DLC1: variants seen among roughly 807,000 people sequenced by gnomAD.
The protein encoded by DLC1 is rho GTPase-activating protein 7.
DLC1 carries 54 observed loss-of-function variants against 140.3 expected under a neutral mutation model. That is an observed-to-expected ratio of 0.38 (90% CI 0.31 to 0.48). DLC1 has a LOEUF of 0.48. Ranked by LOEUF, DLC1 falls within the 20% of genes least tolerant of loss-of-function variation. The pLI is 0.96. For missense variants in DLC1, 2,536 were observed against 1,907.0 expected (o/e 1.33, Z -6.14); for synonymous variants, 986 against 728.1 (o/e 1.35, Z -5.70).
Position 13,547,568 on chromosome 8 carries a change from G to T in DLC1, c.-125-47372C>A, listed in dbSNP as rs1286164576. Among the ~76,000 whole-genome samples, 10 of 152,038 alleles carry T rather than the reference G, an allele frequency of 6.6e-5. No individual in the cohort carries two copies. In the East Asian group the frequency reaches 1.9e-3, roughly 29 times the overall value. ...AAACAAAAGGTGAGTATATGCTATT[G>T]CTCTCAATGTTATAAAGGTGTATGG... On this transcript the variant is annotated intron_variant, in intron 1 of 1. Transcript: ENST00000631382.
At chr8:13,175,232 C>G (rs1046909857) in intron 5 of DLC1, among the ~76,000 whole-genome samples, 3 of 150,570 alleles carry the variant, frequency 2.0e-5, no homozygotes, top group African/African-American at 7.3e-5. Flanking sequence ...TATTTTTGCA[C>G]CAGTACCATG....
chr8:13,153,115 A>G (rs1823956523), intron 5 of DLC1, among the ~76,000 whole-genome samples: 1 of 152,232 alleles, frequency 6.6e-6, no homozygotes, highest in African/African-American at 2.4e-5. Flanking sequence ...TTCAAGAACG[A>G]AGCCGCGGAC....
chr8:13,131,512 T>C (rs954187852), intron 5 of DLC1, among the ~76,000 whole-genome samples: 2 of 152,086 alleles, frequency 1.3e-5, no homozygotes, highest in Non-Finnish European at 2.9e-5. Flanking sequence ...TGCTCATCCA[T>C]ATTGGGTGTA....
intron 1 of DLC1, among the ~76,000 whole-genome samples, chr8:13,531,946 T>C (rs2117308459): frequency 6.6e-6 from 1 of 152,310 alleles, no homozygotes; most frequent in African/African-American, 2.4e-5. Flanking sequence ...CTTGCTTATG[T>C]CACTCAGCTA....
intron 2 of DLC1, among the ~76,000 whole-genome samples, chr8:13,411,860 AT>A (rs779865299): frequency 6.6e-6 from 1 of 151,990 alleles, no homozygotes; most frequent in East Asian, 1.9e-4. Context: ...CCCTCTTCAC[AT>A]TTTTTTTAGT....
chr8:13,541,590 CCAAG>C (rs1803485558), intron 1 of DLC1, among the ~76,000 whole-genome samples: 2 of 152,112 alleles, frequency 1.3e-5, no homozygotes, highest in Admixed American at 6.5e-5. Context: ...CACTCTGTCG[CCAAG>C]GCTGGTGTGC....
chr8:13,218,386 G>A (rs1828314666), intron 5 of DLC1, among the ~76,000 whole-genome samples: 1 of 152,088 alleles, frequency 6.6e-6, no homozygotes, highest in Admixed American at 6.6e-5. Context: ...AGGATAAGCT[G>A]GACTTCATCA....
intron 9 of DLC1, 37 bp from the exon 10 acceptor site, chr8:13,098,612 C>G (rs1031806357): frequency 1.3e-6 from 2 of 1,577,252 alleles, no homozygotes; most frequent in Non-Finnish European, 1.7e-6. Flanking sequence ...AGTGTGAAGC[C>G]TTTTTATTTG....
At chr8:13,104,496 T>A (rs937816893) in intron 7 of DLC1, among the ~76,000 whole-genome samples, 3 of 152,186 alleles carry the variant, frequency 2.0e-5, no homozygotes, top group African/African-American at 7.2e-5. Context: ...TCCCAGATGA[T>A]CATCACTTAG....
intron 4 of DLC1, among the ~76,000 whole-genome samples, chr8:13,326,366 G>C (rs1187024105): frequency 1.3e-5 from 2 of 152,136 alleles, no homozygotes; most frequent in African/African-American, 2.4e-5. Context: ...AAGAGTTGGG[G>C]ACATGTTATA....
chr8:13,200,962 T>A (rs1428475941), intron 5 of DLC1, among the ~76,000 whole-genome samples: 1 of 152,198 alleles, frequency 6.6e-6, no homozygotes, highest in Non-Finnish European at 1.5e-5. Flanking sequence ...ATTTATAGCC[T>A]CAACTATAAT....
At position 13,085,809 on chromosome 8, in the gene DLC1, G is replaced by A. The variant is rs774493840; in HGVS notation, c.*2C>T. The A allele has an allele frequency of 6.2e-7, 1 of 1,613,970 alleles. No homozygotes were observed. The highest frequency in any genetic ancestry group is 1.1e-5 in the South Asian group (1 of 91,066). Reference sequence around the variant, plus strand: ...GTGGAAGCGGTTGCGTTGCTTCAGTGATCACCTAGATTTGGTGTCTTTGGT... The same window carrying A: ...GTGGAAGCGGTTGCGTTGCTTCAGTAATCACCTAGATTTGGTGTCTTTGGT... On this transcript the variant is annotated 3_prime_UTR_variant, in exon 18 of 18. Coordinates refer to ENST00000276297, the MANE Select transcript of DLC1 (RefSeq NM_182643.3).
chr8:13,115,536 C>T lies in DLC1; in HGVS notation c.1420+50G>A, dbSNP rs186254145. ...GTCATAGATCAGTAATACTCGCGAA[C>T]AAGGGATTATGATTATGCCAACTTT... On this transcript the variant is annotated intron_variant, in intron 6 of 17. Transcript: ENST00000276297. The T allele has an allele frequency of 5.3e-4, 800 of 1,521,192 alleles. 4 individuals carry two copies. The Middle Eastern group carries it at 0.016, about 30-fold the overall frequency. The allele number at this position is 1,521,192 out of a possible 1,614,324, so 94.2% of individuals were successfully genotyped here.
intron 5 of DLC1, among the ~76,000 whole-genome samples, chr8:13,283,596 A>G (rs1449248253): frequency 1.3e-5 from 2 of 152,092 alleles, no homozygotes; most frequent in African/African-American, 2.4e-5. Context: ...GCTCACTGCA[A>G]CTTCTGCTCC....
intron 5 of DLC1, among the ~76,000 whole-genome samples, chr8:13,155,672 T>G (rs1160736909): frequency 1.3e-5 from 2 of 152,158 alleles, no homozygotes; most frequent in African/African-American, 4.8e-5. Flanking sequence ...ATTATGACTC[T>G]GATAAAAATT....
Position 13,320,438 on chromosome 8 carries a change from G to T in DLC1, c.1315-15136C>A, listed in dbSNP as rs1833050856. ...TTGGAATTAACAAAAGAAAGCGTTT[G>T]TAGCATATTTAAAAATAAAAACATG... On this transcript the variant is annotated intron_variant, in intron 4 of 17. Transcript: ENST00000276297. Among the ~76,000 whole-genome samples, 4 of 152,212 alleles carry T rather than the reference G, an allele frequency of 2.6e-5. No homozygotes were observed. In the South Asian group the frequency reaches 8.3e-4, roughly 32 times the overall value.
intron 2 of DLC1, among the ~76,000 whole-genome samples, chr8:13,408,188 C>T (rs1414892277): frequency 6.6e-6 from 1 of 152,036 alleles, no homozygotes; most frequent in Non-Finnish European, 1.5e-5. Flanking sequence ...AGATATATTC[C>T]GTTCAACTCC....
chr8:13,098,610 GC>G, intron 9 of DLC1, 35 bp from the exon 10 acceptor site: 1 of 1,581,492 alleles, frequency 6.3e-7, no homozygotes, highest in Non-Finnish European at 8.6e-7. Flanking sequence ...TGAGTGTGAA[GC>G]CTTTTTATTT....
rs190814991 is a variant in DLC1 at position 13,336,976 on chromosome 8, A to C, written c.1315-31674T>G. 4.1e-3 allele frequency among the ~76,000 whole-genome samples: 619 copies of C among 152,316 alleles called. 6 individuals are homozygous for C. The highest frequency in any genetic ancestry group is 0.014 in the Middle Eastern group (4 of 294). Reference sequence around the variant, plus strand: ...ATAGTTAGCTAAAGCAGATGAAATGAAAAATATAAACCAAGTAAAACAAAA... The same window carrying C: ...ATAGTTAGCTAAAGCAGATGAAATGCAAAATATAAACCAAGTAAAACAAAA... On this transcript the variant is annotated intron_variant, in intron 4 of 17. Coordinates refer to ENST00000276297, the MANE Select transcript of DLC1 (RefSeq NM_182643.3).
Sources: allele counts gnomAD v4.1 joint callset (sites outside exome capture counted in the v4.1 genomes callset), GRCh38; gene constraint gnomAD v4.1.1; transcripts MANE v1.5; gene names NCBI Gene and HGNC (gene_info 2026-07-23, HGNC 2026-07-21).